The following FSTL5 variants were observed in gnomAD, a reference collection of about 807,000 sequenced individuals.
The protein encoded by FSTL5 is follistatin-related protein 5.
Under a neutral mutation model 89.1 loss-of-function variants are expected in FSTL5, and 62 were observed. The observed-to-expected ratio is 0.70, with a 90% CI of 0.57 to 0.86. The LOEUF (loss-of-function observed/expected upper bound fraction) is 0.86, where lower values mean the gene tolerates loss of function less well. Ranked by LOEUF, FSTL5 falls within the 40% of genes least tolerant of loss-of-function variation. FSTL5 has a pLI of 0.00. For synonymous variants in FSTL5, 383 were observed against 346.2 expected (o/e 1.11, Z -1.18); for missense variants, 1,057 against 1,001.6 (o/e 1.06, Z -0.75).
chr4:161,602,254 A>G (rs1409576531), intron 7 of FSTL5, among the ~76,000 whole-genome samples: 4 of 14,314 alleles, frequency 2.8e-4, no homozygotes, highest in African/African-American at 5.9e-4. Context: ...AGGGAGAGAA[A>G]GAGAGAGAGA....
intron 15 of FSTL5, among the ~76,000 whole-genome samples, chr4:161,390,685 C>A (rs1048526104): frequency 6.6e-6 from 1 of 152,060 alleles, no homozygotes; most frequent in Non-Finnish European, 1.5e-5. Context: ...CCTGTGTCAA[C>A]TTGTCATGGT....
intron 4 of FSTL5, among the ~76,000 whole-genome samples, chr4:161,779,811 GTATATATATATATATATATATATA>G (rs1203119725): frequency 4.9e-5 from 2 of 40,446 alleles, no homozygotes; most frequent in African/African-American, 1.9e-4. Context: ...ATATATATAT[GTATATATATATATATATATATATA>G]TGTATATAAA....
At chr4:161,592,616 T>G (rs934943343) in intron 7 of FSTL5, among the ~76,000 whole-genome samples, 10 of 152,206 alleles carry the variant, frequency 6.6e-5, no homozygotes, top group African/African-American at 2.4e-4. Context: ...TCCTTTTCTA[T>G]GGCTGCATAG....
chr4:161,540,954 A>T (rs971526005), intron 9 of FSTL5, among the ~76,000 whole-genome samples: 3 of 151,936 alleles, frequency 2.0e-5, no homozygotes, highest in African/African-American at 7.3e-5. Flanking sequence ...GATGAATTTT[A>T]GTCTCTTACT....
rs1202462113 is a variant in FSTL5, at chr4:161,524,144, T to G, written c.1313-13720A>C. On this transcript the variant is annotated intron_variant, in intron 10 of 15. Coordinates refer to ENST00000306100, the MANE Select transcript of FSTL5 (RefSeq NM_020116.5). ...AAGCTTGCTAGCTAAAAGCTTCATC[T>G]ACATAGTAAAACTTTGGTCTCTACA... Among the ~76,000 whole-genome samples the G allele has an allele frequency of 2.6e-5, 4 of 152,196 alleles. No individual in the cohort carries two copies. The East Asian group carries it at 7.7e-4, about 29-fold the overall frequency.
At chr4:161,750,988 A>T (rs1044521841) in intron 6 of FSTL5, among the ~76,000 whole-genome samples, 54 of 152,172 alleles carry the variant, frequency 3.5e-4, no homozygotes, top group Admixed American at 2.6e-3. Context: ...AAAAATAAAT[A>T]TGATAAATGT....
chr4:161,561,113 T>C (rs1282591116), intron 8 of FSTL5, among the ~76,000 whole-genome samples: 1 of 151,924 alleles, frequency 6.6e-6, no homozygotes, highest in Non-Finnish European at 1.5e-5. Flanking sequence ...AGCTCCATTA[T>C]AAACTTATAA....
At chr4:162,163,339 A>G (rs1410855356) in intron 1 of FSTL5, among the ~76,000 whole-genome samples, 1 of 151,430 alleles carries the variant, frequency 6.6e-6, no homozygotes, top group African/African-American at 2.4e-5. Flanking sequence ...ATTTATATTT[A>G]TAAAGCAAGA....
At chr4:161,466,256 C>T (rs1578854834) in intron 13 of FSTL5, among the ~76,000 whole-genome samples, 1 of 152,236 alleles carries the variant, frequency 6.6e-6, no homozygotes, top group East Asian at 1.9e-4. Context: ...CCAACATACA[C>T]AGTATTAAAA....
chr4:161,931,521 C>G (rs1412771284), intron 3 of FSTL5, among the ~76,000 whole-genome samples: 2 of 151,770 alleles, frequency 1.3e-5, no homozygotes, highest in Non-Finnish European at 2.9e-5. Flanking sequence ...ACAGTAGACT[C>G]AATATTCTTG....
chr4:161,690,608 G>T (rs1379229160), intron 6 of FSTL5, among the ~76,000 whole-genome samples: 1 of 151,854 alleles, frequency 6.6e-6, no homozygotes, highest in African/African-American at 2.4e-5. Flanking sequence ...TTCCCTTTCT[G>T]CAGGTTGTCT....
intron 6 of FSTL5, among the ~76,000 whole-genome samples, chr4:161,748,410 TTAAA>T (rs1033094658): frequency 2.0e-5 from 3 of 152,094 alleles, no homozygotes; most frequent in African/African-American, 7.2e-5. Flanking sequence ...TTTCAAACCT[TTAAA>T]TAATTATTAC....
intron 3 of FSTL5, among the ~76,000 whole-genome samples, chr4:162,002,122 C>G (rs983673492): frequency 1.3e-5 from 2 of 152,068 alleles, no homozygotes; most frequent in Non-Finnish European, 2.9e-5. Context: ...AATATGGACT[C>G]TACTATAAAC....
intron 4 of FSTL5, among the ~76,000 whole-genome samples, chr4:161,861,321 C>T (rs941672329): frequency 6.6e-6 from 1 of 152,018 alleles, no homozygotes; most frequent in South Asian, 2.1e-4. Context: ...GCTTGGGAGG[C>T]TGAGGCAGGG....
At chr4:161,887,244 A>T (rs1171287347) in intron 4 of FSTL5, among the ~76,000 whole-genome samples, 1 of 152,184 alleles carries the variant, frequency 6.6e-6, no homozygotes, top group Non-Finnish European at 1.5e-5. Context: ...AAAAATAACA[A>T]TAGCAGACAC....
chr4:161,677,468 C>G lies in FSTL5; in HGVS notation c.728-20974G>C, dbSNP rs576856724. Among the ~76,000 whole-genome samples, 4 of 151,980 alleles carry G rather than the reference C, an allele frequency of 2.6e-5. No individual in the cohort carries two copies. In the South Asian group the frequency reaches 8.3e-4, roughly 32 times the overall value. ...TTTTTAATGGCCATAATTTAATTAA[C>G]AAGTATTGAATGTCTGCCTGTTTGT... is the stretch of plus-strand genomic sequence containing the variant. On this transcript the variant is annotated intron_variant, in intron 6 of 15. Coordinates refer to ENST00000306100, the MANE Select transcript of FSTL5 (RefSeq NM_020116.5).
At chr4:161,469,782 C>G (rs141932538) in intron 13 of FSTL5, among the ~76,000 whole-genome samples, 7,756 of 151,896 alleles carry the variant, frequency 0.051, 206 homozygotes, top group Admixed American at 0.054. Context: ...GGACTACAGG[C>G]GCCCACCACC....
intron 3 of FSTL5, among the ~76,000 whole-genome samples, chr4:161,932,585 G>A (rs1317175297): frequency 6.6e-6 from 1 of 151,444 alleles, no homozygotes; most frequent in Non-Finnish European, 1.5e-5. Context: ...TGTAGCCCCT[G>A]GACCACTGTG....
chr4:161,819,057 G>A (rs1730415540), intron 4 of FSTL5, among the ~76,000 whole-genome samples: 1 of 152,030 alleles, frequency 6.6e-6, no homozygotes, highest in Non-Finnish European at 1.5e-5. Flanking sequence ...TAAAAGTAGT[G>A]CTAATTAAAC....
Sources: gnomAD v4.1 joint callset for allele counts (sites outside exome capture counted in the v4.1 genomes callset) on GRCh38, gnomAD v4.1.1 for gene constraint, MANE v1.5 for transcripts, NCBI Gene and HGNC (gene_info 2026-07-23, HGNC 2026-07-21) for gene names.